The following FLT1 variants were observed in gnomAD, a reference collection of about 807,000 sequenced individuals.
The protein encoded by FLT1 is vascular endothelial growth factor receptor 1.
A neutral mutation model predicts 156.3 loss-of-function variants in FLT1; 49 were observed. That is an observed-to-expected ratio of 0.31 (90% CI 0.25 to 0.40). The LOEUF is 0.40. Ranked by LOEUF, FLT1 falls within the 10% of genes least tolerant of loss-of-function variation. The pLI is 1.00. For synonymous variants in FLT1, 594 were observed against 583.8 expected (o/e 1.02, Z -0.25); for missense variants, 1,322 against 1,637.2 (o/e 0.81, Z 3.32).
chr13:28,370,557 C>T (rs1232984888), intron 14 of FLT1, among the ~76,000 whole-genome samples: 3 of 152,196 alleles, frequency 2.0e-5, no homozygotes, highest in Non-Finnish European at 4.4e-5. Context: ...GCCAAAAACA[C>T]ACGTATTTCT....
chr13:28,312,215 T>G (rs1464779753), intron 25 of FLT1, 117 bp from the exon 26 acceptor site: 1 of 734,054 alleles, frequency 1.4e-6, no homozygotes, highest in Non-Finnish European at 2.5e-6. Context: ...CTTTCTGTAC[T>G]ATGTGACCCT....
intron 3 of FLT1, among the ~76,000 whole-genome samples, chr13:28,462,707 G>A (rs1308530008): frequency 6.6e-6 from 1 of 152,086 alleles, no homozygotes; most frequent in Admixed American, 6.6e-5. Context: ...GCCCCTTCCA[G>A]GATTCTGAGT....
intron 1 of FLT1, among the ~76,000 whole-genome samples, chr13:28,469,971 C>T (rs1880062940): frequency 6.6e-6 from 1 of 152,104 alleles, no homozygotes; most frequent in African/African-American, 2.4e-5. Context: ...CCAGGCTGGT[C>T]TTGAACTCCT....
chr13:28,408,820 G>A (rs561028274), intron 10 of FLT1, among the ~76,000 whole-genome samples: 1 of 152,162 alleles, frequency 6.6e-6, no homozygotes, highest in South Asian at 2.1e-4. Flanking sequence ...CTTTCCTAAT[G>A]AGCTATATGA....
intron 6 of FLT1, 71 bp from the exon 7 acceptor site, chr13:28,431,381 A>T: frequency 9.1e-7 from 1 of 1,096,254 alleles, no homozygotes; most frequent in Admixed American, 1.8e-5. Context: ...GGATTTTAAC[A>T]TTTCTTAGAT....
chr13:28,490,186 A>T (rs988426657), intron 1 of FLT1, among the ~76,000 whole-genome samples: 7 of 152,172 alleles, frequency 4.6e-5, no homozygotes, highest in Admixed American at 3.9e-4. Context: ...GATTGGGTCA[A>T]TGAGGTTCCA....
chr13:28,313,825 A>G (rs1871099041), intron 25 of FLT1, among the ~76,000 whole-genome samples: 1 of 150,674 alleles, frequency 6.6e-6, no homozygotes, highest in African/African-American at 2.4e-5. Flanking sequence ...TCTCTTAAGT[A>G]TATTTCTATT....
At chr13:28,352,758 A>G (rs1593702308) in intron 15 of FLT1, among the ~76,000 whole-genome samples, 1 of 152,198 alleles carries the variant, frequency 6.6e-6, no homozygotes, top group African/African-American at 2.4e-5. Flanking sequence ...TGTAACATCA[A>G]TCCCCAACAT....
rs74698228 is a variant in FLT1, at chr13:28,429,759, A to G, written c.1106+291T>C. ...ATTGCTCAACACATCCCATTCAAAG[A>G]ATGTTGACATCATAGGAAGGTTTAG... On this transcript the variant is annotated intron_variant, in intron 8 of 29. Transcript: ENST00000282397. Among the ~76,000 whole-genome samples the G allele has an allele frequency of 5.9e-3, 899 of 152,184 alleles. 16 individuals carry two copies. Among genetic ancestry groups the G allele is most frequent in the African/African-American group, 0.021 (857 of 41,434 alleles).
chr13:28,389,405 G>A (rs1874561720), intron 13 of FLT1: 2 of 1,269,650 alleles, frequency 1.6e-6, no homozygotes, highest in South Asian at 7.0e-5. Flanking sequence ...CATCAAAATG[G>A]AAGGAAAGGA....
At chr13:28,453,028 T>C (rs866765708) in intron 3 of FLT1, among the ~76,000 whole-genome samples, 1,063 of 2,262 alleles carry the variant, frequency 0.47, 21 homozygotes, top group Admixed American at 0.51. Context: ...CCCCCTCCCC[T>C]TTCCTTTCCT....
rs538947550 is a variant in FLT1, at chr13:28,422,345, G to A, written c.1436+4814C>T. On this transcript the variant is annotated intron_variant, in intron 10 of 29. Coordinates refer to ENST00000282397, the MANE Select transcript of FLT1 (RefSeq NM_002019.4). The stretch of plus-strand genomic sequence containing the variant: ...CCATGAGTGGGGAATAACTTAGTAC[G>A]TGGTACAACTCTGTCTATTATAATC... Among the ~76,000 whole-genome samples, 17 of 152,254 alleles carry A rather than the reference G, an allele frequency of 1.1e-4. No homozygotes were observed. In the South Asian group the frequency reaches 1.7e-3, roughly 15 times the overall value.
rs1566291336 is a variant in FLT1, at chr13:28,334,149, C to G, written c.2489-20G>C. The G allele has an allele frequency of 5.2e-6, 8 of 1,548,800 alleles. No homozygotes were observed. Among genetic ancestry groups the G allele is most frequent in the African/African-American group, 1.4e-5 (1 of 73,672 alleles). On this transcript the variant is annotated intron_variant, in intron 17 of 29. Coordinates refer to ENST00000282397, the MANE Select transcript of FLT1 (RefSeq NM_002019.4). Reference sequence around the variant, plus strand: ...ATTTGCCTGTAATGAAGAGAAGACACTGGTTTGTTTGCCGAGGCAATAGGG... The same window carrying G: ...ATTTGCCTGTAATGAAGAGAAGACAGTGGTTTGTTTGCCGAGGCAATAGGG...
At chr13:28,453,362 A>T (rs1267982533) in intron 3 of FLT1, among the ~76,000 whole-genome samples, 1 of 151,998 alleles carries the variant, frequency 6.6e-6, no homozygotes, top group Admixed American at 6.6e-5. Context: ...ACCTCAAGTG[A>T]TCTACCTGCC....
chr13:28,349,106 G>A (rs1872656737), intron 15 of FLT1, among the ~76,000 whole-genome samples: 1 of 152,200 alleles, frequency 6.6e-6, no homozygotes, highest in Non-Finnish European at 1.5e-5. Flanking sequence ...AGTTCTGAGT[G>A]AAGCAGCAGA....
intron 14 of FLT1, among the ~76,000 whole-genome samples, chr13:28,363,014 C>A (rs1162014524): frequency 1.3e-5 from 2 of 152,140 alleles, no homozygotes; most frequent in African/African-American, 4.8e-5. Context: ...ATTTATTTCC[C>A]TTCTTACGAA....
intron 10 of FLT1, among the ~76,000 whole-genome samples, chr13:28,415,405 C>A (rs1253245865): frequency 1.3e-5 from 2 of 152,034 alleles, no homozygotes; most frequent in African/African-American, 2.4e-5. Context: ...TGCTTGAACC[C>A]GGGAGGCAGA....
chr13:28,345,638 T>C, intron 15 of FLT1, 87 bp from the exon 16 acceptor site: 1 of 842,324 alleles, frequency 1.2e-6, no homozygotes, highest in Non-Finnish European at 2.0e-6. Context: ...AGGCTCAGTT[T>C]CCCTAAATGG....
intron 13 of FLT1, chr13:28,389,455 A>G: frequency 7.6e-7 from 1 of 1,311,258 alleles, no homozygotes; most frequent in Non-Finnish European, 9.7e-7. Flanking sequence ...AGAAAACAGC[A>G]AGAGCAACAA....
Sources: allele counts gnomAD v4.1 joint callset (sites outside exome capture counted in the v4.1 genomes callset), GRCh38; gene constraint gnomAD v4.1.1; transcripts MANE v1.5; gene names NCBI Gene and HGNC (gene_info 2026-07-23, HGNC 2026-07-21).